Variants in NAA40 observed in about 807,000 individuals in gnomAD.
NAA40 encodes the protein N-alpha-acetyltransferase 40, NatD catalytic subunit.
Under a neutral mutation model 36.6 loss-of-function variants are expected in NAA40, and 26 were observed. The observed-to-expected ratio is 0.71, with a 90% CI of 0.52 to 0.98. NAA40 has a LOEUF of 0.98. NAA40 is among the 50% of genes least tolerant of loss of function. NAA40 has a pLI of 0.00. For synonymous variants in NAA40, 129 were observed against 108.4 expected, an observed-to-expected ratio of 1.19 and a Z score of -1.18; for missense variants, 237 against 306.5, an observed-to-expected ratio of 0.77 and a Z score of 1.69.
At chr11:63,945,743 A>G (rs760489274) in intron 1 of NAA40, 97 bp from the exon 2 acceptor site, 233 of 1,054,238 alleles carry the variant, frequency 2.2e-4, no homozygotes, top group Non-Finnish European at 3.3e-4. Context: ...CTGCTGGGCC[A>G]GGCCTGTGGA....
intron 6 of NAA40, 141 bp from the exon 7 acceptor site, chr11:63,953,831 T>C: frequency 1.4e-6 from 1 of 712,998 alleles, no homozygotes; most frequent in Non-Finnish European, 2.4e-6. Context: ...GGTCCCACTA[T>C]GTTTTCCAGG....
intron 6 of NAA40, among the ~76,000 whole-genome samples, chr11:63,953,569 A>C (rs1942315642): frequency 6.6e-6 from 1 of 152,184 alleles, no homozygotes; most frequent in Non-Finnish European, 1.5e-5. Flanking sequence ...GTGTGGGTGA[A>C]AGGGAGGTAA....
intron 2 of NAA40, 193 bp from the exon 3 acceptor site, chr11:63,946,758 A>G (rs1352580577): frequency 3.9e-6 from 6 of 1,533,258 alleles, no homozygotes; most frequent in Non-Finnish European, 5.2e-6. Context: ...GGGCCTTTCC[A>G]CCAAAGCCTT....
In NAA40 at chr11:63,950,033, C is replaced by T. The variant is rs200241396; in HGVS notation, c.156-2205C>T. On this transcript the variant is annotated intron_variant, in intron 3 of 7. Coordinates refer to ENST00000377793, the MANE Select transcript of NAA40 (RefSeq NM_024771.4). The stretch of plus-strand genomic sequence containing the variant: ...TGCTGGGATTACAGGTGTGAGCCAC[C>T]GTGCCCAGCCAAACTTGGAAGGTTT... Among the ~76,000 whole-genome samples, 6 of 151,748 alleles carry T rather than the reference C, an allele frequency of 4.0e-5. No individual in the cohort carries two copies. In the East Asian group the frequency reaches 9.7e-4, roughly 25 times the overall value.
chr11:63,948,590 C>T (rs899737129), intron 3 of NAA40, among the ~76,000 whole-genome samples: 1 of 151,942 alleles, frequency 6.6e-6, no homozygotes, highest in Non-Finnish European at 1.5e-5. Flanking sequence ...TGGTGGCGGG[C>T]ACCTGTAGTC....
rs142934014 is a variant in NAA40, at chr11:63,952,289, C to T, written c.207C>T (p.Thr69=). ...CKRVSGLEPA[T]VDWAFDLTKT... ...GAGTGTCTGGACTGGAGCCAGCCAC[C>T]GTGGATTGGGCCTTCGACCTGACCA... is the stretch of plus-strand genomic sequence containing the variant. Residue 69 remains threonine (T), a synonymous_variant, in exon 4 of 8, where the codon ACC becomes ACT. Coordinates refer to ENST00000377793, the MANE Select transcript of NAA40 (RefSeq NM_024771.4). 1,267 of 1,613,796 alleles carry T rather than the reference C, an allele frequency of 7.9e-4. 10 individuals are homozygous for T. Among genetic ancestry groups the T allele is most frequent in the Non-Finnish European group, 2.4e-4 (289 of 1,179,846 alleles).
chr11:63,939,920 A>G (rs2134263444), intron 1 of NAA40, among the ~76,000 whole-genome samples: 1 of 151,622 alleles, frequency 6.6e-6, no homozygotes, highest in East Asian at 1.9e-4. Flanking sequence ...CTTTCCCGGG[A>G]TATAGGGTAG....
At position 63,955,716 on chromosome 11, in the gene NAA40, G is replaced by T. The variant is rs1250325006; in HGVS notation, c.*1237G>T. On this transcript the variant is annotated 3_prime_UTR_variant, in exon 8 of 8. Transcript: ENST00000377793. The stretch of plus-strand genomic sequence containing the variant: ...GTGGCAACAGGCTGGAGCAGGGGAA[G>T]GAGAAAGCCTTCCTCTTCTCTCATA... 2 of 152,306 alleles carry T rather than the reference G, an allele frequency of 1.3e-5. No individual in the cohort carries two copies. The highest frequency in any genetic ancestry group is 4.8e-5 in the African/African-American group (2 of 41,470). 9.4% of individuals were successfully genotyped at this position (152,306 alleles called of 1,614,324 possible).
chr11:63,950,122 G>GTTT (rs10708670), intron 3 of NAA40, among the ~76,000 whole-genome samples: 8 of 129,274 alleles, frequency 6.2e-5, no homozygotes, highest in Admixed American at 1.6e-4. Flanking sequence ...GGTTTTTTTT[G>GTTT]TTTTTTTTTT....
chr11:63,951,750 A>G (rs913775646), intron 3 of NAA40, among the ~76,000 whole-genome samples: 2 of 152,106 alleles, frequency 1.3e-5, no homozygotes, highest in South Asian at 4.1e-4. Flanking sequence ...CGAAGGACCT[A>G]GGGTCACCCA....
chr11:63,941,513 A>G (rs193126313), intron 1 of NAA40, among the ~76,000 whole-genome samples: 215 of 152,220 alleles, frequency 1.4e-3, no homozygotes, highest in Non-Finnish European at 2.5e-3. Context: ...TCTTTTTCTG[A>G]AAAGTGGCTC....
intron 1 of NAA40, among the ~76,000 whole-genome samples, chr11:63,941,560 C>CT (rs11373615): frequency 0.088 from 13,016 of 148,476 alleles, 694 homozygotes; most frequent in Non-Finnish European, 0.13. Flanking sequence ...TTTTCTTTTC[C>CT]TTTTTTTTTT....
At chr11:63,940,814 T>A (rs1942097206) in intron 1 of NAA40, among the ~76,000 whole-genome samples, 1 of 152,216 alleles carries the variant, frequency 6.6e-6, no homozygotes, top group Non-Finnish European at 1.5e-5. Context: ...TTTTGGGTAT[T>A]ACGTACTTCA....
intron 3 of NAA40, among the ~76,000 whole-genome samples, chr11:63,949,219 C>T (rs1176970507): frequency 6.6e-6 from 1 of 152,102 alleles, no homozygotes; most frequent in Non-Finnish European, 1.5e-5. Flanking sequence ...AAAAATGGTT[C>T]TAATAATAGT....
At chr11:63,953,088 G>A (rs1019617336) in intron 6 of NAA40, among the ~76,000 whole-genome samples, 89 of 116,986 alleles carry the variant, frequency 7.6e-4, no homozygotes, top group African/African-American at 2.9e-3. Flanking sequence ...CACTCTTGTT[G>A]CCCGGGCTGG....
intron 1 of NAA40, among the ~76,000 whole-genome samples, chr11:63,940,071 AT>A (rs1565168666): frequency 1.3e-5 from 1 of 74,598 alleles, no homozygotes; most frequent in Non-Finnish European, 2.5e-5. Flanking sequence ...TTTTTTTGAT[AT>A]GGAGTTTTGC....
At position 63,946,812 on chromosome 11, in the gene NAA40, G is replaced by T. The variant is rs774062329; in HGVS notation, c.103-139G>T. On this transcript the variant is annotated intron_variant, in intron 2 of 7. Coordinates refer to ENST00000377793, the MANE Select transcript of NAA40 (RefSeq NM_024771.4). ...AGAGCTAGGCAAATGGTGGGTTTTGGGAGGCTGCTCCTGGTTCTGAAGTTA... is the reference window on the plus strand; with the variant it reads ...AGAGCTAGGCAAATGGTGGGTTTTGTGAGGCTGCTCCTGGTTCTGAAGTTA... 6.1e-5 allele frequency: 96 copies of T among 1,564,822 alleles called. No homozygotes were observed. In the African/African-American group the frequency reaches 1.1e-3, roughly 18 times the overall value.
At position 63,954,694 on chromosome 11, in the gene NAA40, G is replaced by A; in HGVS notation, c.*215G>A. ...TGCTAGAAGGGAATGAAAGGGAGAG[G>A]GAAGAGTAGGTGGGGCCGGGCAGTG... On this transcript the variant is annotated 3_prime_UTR_variant, in exon 8 of 8. Coordinates refer to ENST00000377793, the MANE Select transcript of NAA40 (RefSeq NM_024771.4). 1 of 439,464 alleles carries A rather than the reference G, an allele frequency of 2.3e-6. No homozygotes were observed. The highest frequency in any genetic ancestry group is 3.8e-6 in the Non-Finnish European group (1 of 259,764). The allele number at this position is 439,464 out of a possible 1,614,324, so 27.2% of individuals were successfully genotyped here.
chr11:63,939,454 A>G, intron 1 of NAA40: 1 of 1,072,734 alleles, frequency 9.3e-7, no homozygotes, highest in Non-Finnish European at 1.1e-6. Context: ...GGCTGTCACC[A>G]GCTTCGTCGC....
Sources: allele counts gnomAD v4.1 joint callset (sites outside exome capture counted in the v4.1 genomes callset), GRCh38; gene constraint gnomAD v4.1.1; transcripts MANE v1.5; gene names NCBI Gene and HGNC (gene_info 2026-07-23, HGNC 2026-07-21).